PAWR: variants seen among roughly 807,000 people sequenced by gnomAD.
PAWR encodes the protein pro-apoptotic WT1 regulator, also known as PRKC apoptosis WT1 regulator protein.
Under a neutral mutation model 32.0 loss-of-function variants are expected in PAWR, and 23 were observed. The ratio of observed to expected loss-of-function variants is 0.72; its 90% CI spans 0.52 to 1.02. The LOEUF (loss-of-function observed/expected upper bound fraction) is 1.02. PAWR is among the 50% of genes least tolerant of loss of function. The pLI, the probability that PAWR is intolerant of heterozygous loss-of-function variation, is 0.00. For synonymous variants in PAWR, 226 were observed against 187.1 expected (o/e 1.21, Z -1.70); for missense variants, 457 against 437.7 (o/e 1.04, Z -0.39).
chr12:79,603,316 A>G (rs987861432), intron 4 of PAWR, among the ~76,000 whole-genome samples: 3 of 151,944 alleles, frequency 2.0e-5, no homozygotes, highest in Non-Finnish European at 4.4e-5. Flanking sequence ...GAAAGAAACA[A>G]CTACAAATAA....
At chr12:79,674,418 A>C (rs1878060028) in intron 2 of PAWR, among the ~76,000 whole-genome samples, 1 of 152,156 alleles carries the variant, frequency 6.6e-6, no homozygotes, top group African/African-American at 2.4e-5. Context: ...CAAATGGACT[A>C]AAGGCTTAAA....
At position 79,621,010 on chromosome 12, in the gene PAWR, A is replaced by T; in HGVS notation, c.648+66T>A. 2 of 1,190,732 alleles carry T rather than the reference A, an allele frequency of 1.7e-6. 1 individual carries two copies. The highest frequency in any genetic ancestry group is 2.4e-6 in the Non-Finnish European group (2 of 837,522). 73.8% of individuals were successfully genotyped at this position (1,190,732 alleles called of 1,614,324 possible). ...GGAGATATATTACTACATACAACTC[A>T]AGAGGCATAATTGAAAAATTGCCAT... On this transcript the variant is annotated intron_variant, in intron 3 of 6. Transcript: ENST00000328827.
intron 2 of PAWR, among the ~76,000 whole-genome samples, chr12:79,635,844 T>C (rs1181229794): frequency 1.3e-5 from 2 of 152,148 alleles, no homozygotes; most frequent in Non-Finnish European, 2.9e-5. Context: ...ACCACAGTAT[T>C]TCACACTCCT....
At chr12:79,649,950 T>C (rs1345921536) in intron 2 of PAWR, among the ~76,000 whole-genome samples, 1 of 152,138 alleles carries the variant, frequency 6.6e-6, no homozygotes, top group African/African-American at 2.4e-5. Context: ...TAGTTAAGAT[T>C]CTCATAAAGA....
intron 4 of PAWR, 94 bp from the exon 5 acceptor site, chr12:79,596,752 C>A: frequency 1.3e-6 from 1 of 741,320 alleles, no homozygotes; most frequent in East Asian, 2.8e-5. Flanking sequence ...ATTAACATTC[C>A]CCAAGGACAT....
intron 2 of PAWR, among the ~76,000 whole-genome samples, chr12:79,657,290 G>A: frequency 6.6e-6 from 1 of 152,106 alleles, no homozygotes; most frequent in East Asian, 1.9e-4. Context: ...AGGAACACGG[G>A]TAAACTCGTG....
intron 2 of PAWR, among the ~76,000 whole-genome samples, chr12:79,622,390 G>A (rs1875065988): frequency 6.6e-6 from 1 of 152,102 alleles, no homozygotes; most frequent in African/African-American, 2.4e-5. Context: ...CATGTGCCAT[G>A]TTGGTGTGCT....
At chr12:79,610,919 A>C (rs1358172530) in intron 4 of PAWR, among the ~76,000 whole-genome samples, 1 of 151,506 alleles carries the variant, frequency 6.6e-6, no homozygotes, top group African/African-American at 2.4e-5. Flanking sequence ...TATAAGGAAA[A>C]CCGGGAATAT....
intron 2 of PAWR, among the ~76,000 whole-genome samples, chr12:79,674,626 A>G (rs1417684289): frequency 6.6e-6 from 1 of 152,178 alleles, no homozygotes; most frequent in Admixed American, 6.5e-5. Context: ...GACAATCTAC[A>G]GAATGGGAGA....
chr12:79,684,515 G>A (rs779265723), intron 2 of PAWR, among the ~76,000 whole-genome samples: 2 of 151,954 alleles, frequency 1.3e-5, no homozygotes, highest in Non-Finnish European at 1.5e-5. Flanking sequence ...GGAGACTGAC[G>A]CAGGAGAATT....
chr12:79,684,775 AG>A (rs1330184187), intron 2 of PAWR, among the ~76,000 whole-genome samples: 1 of 152,232 alleles, frequency 6.6e-6, no homozygotes. Flanking sequence ...TTCTATAAAT[AG>A]GGCTATTTTT....
chr12:79,598,015 T>C (rs1873826898), intron 4 of PAWR: 1 of 152,264 alleles, frequency 6.6e-6, no homozygotes, highest in Non-Finnish European at 1.5e-5. Context: ...TTCCTCACTA[T>C]GTTGGCCTCT....
chr12:79,690,465 G>T, intron 1 of PAWR, 74 bp from the exon 2 acceptor site: 1 of 986,102 alleles, frequency 1.0e-6, no homozygotes, highest in Non-Finnish European at 1.3e-6. Flanking sequence ...CTGCCCCCGG[G>T]CTGCGCCCCT....
intron 2 of PAWR, among the ~76,000 whole-genome samples, chr12:79,641,828 C>T (rs1433371767): frequency 5.3e-5 from 6 of 114,182 alleles, no homozygotes; most frequent in Non-Finnish European, 9.8e-5. Flanking sequence ...GCCTGGCAAC[C>T]GAGCGAGACT....
intron 2 of PAWR, among the ~76,000 whole-genome samples, chr12:79,671,525 T>G (rs1206986269): frequency 6.6e-6 from 1 of 152,236 alleles, no homozygotes; most frequent in Non-Finnish European, 1.5e-5. Flanking sequence ...AGTTTTACTG[T>G]GAATGGGTAT....
In PAWR at chr12:79,690,294, T is replaced by C. The variant is rs2136908332; in HGVS notation, c.-50A>G. ...CTCACCTCAGGCCGCCCACCAGGGCTCCGGCCGCTGCCTCCTCTTCCTTCC... is the reference window on the plus strand; with the variant it reads ...CTCACCTCAGGCCGCCCACCAGGGCCCCGGCCGCTGCCTCCTCTTCCTTCC... On this transcript the variant is annotated 5_prime_UTR_variant, in exon 2 of 7. Transcript: ENST00000328827. The C allele has an allele frequency of 2.9e-6, 4 of 1,394,846 alleles. No homozygotes were observed. Among genetic ancestry groups the C allele is most frequent in the Non-Finnish European group, 3.7e-6 (4 of 1,075,376 alleles). 86.4% of individuals were successfully genotyped at this position (1,394,846 alleles called of 1,614,324 possible).
chr12:79,668,231 A>C (rs1003776739), intron 2 of PAWR: 11 of 152,206 alleles, frequency 7.2e-5, no homozygotes, highest in African/African-American at 2.7e-4. Context: ...TAATGTTTCA[A>C]GTTAGAAGAA....
chr12:79,628,727 C>A (rs1349451981), intron 2 of PAWR, among the ~76,000 whole-genome samples: 1 of 151,926 alleles, frequency 6.6e-6, no homozygotes, highest in African/African-American at 2.4e-5. Flanking sequence ...CCAAAATGGT[C>A]AATACATGAA....
intron 2 of PAWR, among the ~76,000 whole-genome samples, chr12:79,649,794 A>C (rs1217322015): frequency 6.6e-6 from 1 of 152,102 alleles, no homozygotes. Flanking sequence ...GTATCAAATA[A>C]ATAAATAAGG....
Sources: gnomAD v4.1 joint callset for allele counts (sites outside exome capture counted in the v4.1 genomes callset) on GRCh38, gnomAD v4.1.1 for gene constraint, MANE v1.5 for transcripts, NCBI Gene and HGNC (gene_info 2026-07-23, HGNC 2026-07-21) for gene names.